CLCA1: variants seen among roughly 807,000 people sequenced by gnomAD.
The protein encoded by CLCA1 is chloride channel accessory 1.
In CLCA1, 59 loss-of-function variants were observed where a neutral mutation model predicts 85.6. The ratio of observed to expected loss-of-function variants is 0.69; its 90% CI spans 0.56 to 0.86. The LOEUF is 0.86. Ranked by LOEUF, CLCA1 falls within the 40% of genes least tolerant of loss-of-function variation. CLCA1 has a pLI of 0.00. For missense variants in CLCA1, 1,022 were observed against 1,101.4 expected (o/e 0.93, Z 1.02); for synonymous variants, 396 against 398.3 (o/e 0.99, Z 0.07).
intron 4 of CLCA1, among the ~76,000 whole-genome samples, chr1:86,480,389 A>C (rs1002367315): frequency 6.6e-6 from 1 of 152,180 alleles, no homozygotes; most frequent in Non-Finnish European, 1.5e-5. Flanking sequence ...TAGATAATTT[A>C]CAAAAGAAGA....
At chr1:86,486,796 T>C (rs749370990) in intron 7 of CLCA1, 43 bp downstream of exon 7, 4 of 1,563,100 alleles carry the variant, frequency 2.6e-6, no homozygotes, top group Non-Finnish European at 3.5e-6. Context: ...GTTTGCAATT[T>C]ATGTTGCTTA....
intron 4 of CLCA1, among the ~76,000 whole-genome samples, chr1:86,477,202 C>T (rs1171228241): frequency 1.3e-5 from 2 of 152,162 alleles, no homozygotes; most frequent in African/African-American, 4.8e-5. Context: ...GAGATCCTCC[C>T]ACTTCGACCT....
chr1:86,476,983 C>T (rs1647691055), intron 4 of CLCA1, among the ~76,000 whole-genome samples: 1 of 152,226 alleles, frequency 6.6e-6, no homozygotes, highest in African/African-American at 2.4e-5. Context: ...AATCACAGCT[C>T]ACTCCAGCCT....
chr1:86,482,083 T>A (rs566027991), intron 4 of CLCA1, 122 bp from the exon 5 acceptor site: 7 of 689,398 alleles, frequency 1.0e-5, no homozygotes, highest in Non-Finnish European at 1.7e-5. Context: ...TGATGGGATG[T>A]CCTTGTTTCT....
At chr1:86,469,283 C>A (rs1321697) in intron 1 of CLCA1, 150 bp downstream of exon 1, 147,653 of 568,622 alleles carry the variant, frequency 0.26, 20,299 homozygotes, top group East Asian at 0.35. Flanking sequence ...GAAATAATAA[C>A]AAGTTAACCA....
In CLCA1 at chr1:86,493,554, C is replaced by T; in HGVS notation, c.1635C>T (p.Asp545=). Residue 545 remains aspartate (D), a synonymous_variant, in exon 10 of 14, where the codon GAC becomes GAT. Coordinates refer to ENST00000394711, the MANE Select transcript of CLCA1 (RefSeq NM_001285.4). The part of the protein sequence containing the change: ...SGQKQGGFVV[D]KNTKMAYLQI... ...AGAAGCAAGGTGGCTTTGTAGTGGA[C>T]AAAAACACCAAAATGGCCTACCTCC... 1.9e-6 allele frequency: 3 copies of T among 1,614,086 alleles called. No homozygotes were observed. Among genetic ancestry groups the T allele is most frequent in the Non-Finnish European group, 1.7e-6 (2 of 1,179,988 alleles).
chr1:86,490,198 T>C (rs1648097245), intron 8 of CLCA1, among the ~76,000 whole-genome samples: 1 of 152,156 alleles, frequency 6.6e-6, no homozygotes, highest in Non-Finnish European at 1.5e-5. Flanking sequence ...TTTCTCTAGG[T>C]AGGGTGGCCC....
intron 8 of CLCA1, 148 bp from the exon 9 acceptor site, chr1:86,491,117 T>A (rs937180069): frequency 1.6e-5 from 8 of 514,956 alleles, no homozygotes; most frequent in African/African-American, 1.5e-4. Context: ...AAATTCTGAG[T>A]TAATGTAGGC....
In CLCA1 at chr1:86,499,650, T is replaced by G. The variant is rs1262137773; in HGVS notation, c.2354-4T>G. 2.0e-6 allele frequency: 3 copies of G among 1,525,984 alleles called. No individual in the cohort carries two copies. The highest frequency in any genetic ancestry group is 2.8e-5 in the African/African-American group (2 of 71,706). The allele number at this position is 1,525,984 out of a possible 1,614,324, so 94.5% of individuals were successfully genotyped here. On this transcript the variant is annotated splice_polypyrimidine_tract_variant and splice_region_variant and intron_variant, in intron 13 of 13. Transcript: ENST00000394711. ...AAAGTCACATTCTTCTTTTTTCTTTTTAGCTCACAAGTATATCATTCGAAT... is the reference window on the plus strand; with the variant it reads ...AAAGTCACATTCTTCTTTTTTCTTTGTAGCTCACAAGTATATCATTCGAAT...
intron 8 of CLCA1, among the ~76,000 whole-genome samples, chr1:86,490,560 TTA>T (rs1372629723): frequency 2.0e-5 from 3 of 152,194 alleles, no homozygotes; most frequent in African/African-American, 7.2e-5. Flanking sequence ...TTTGTTGGAA[TTA>T]TGTTTCAAAT....
chr1:86,492,623 G>A (rs1225021460), intron 9 of CLCA1, among the ~76,000 whole-genome samples: 1 of 152,186 alleles, frequency 6.6e-6, no homozygotes, highest in East Asian at 1.9e-4. Flanking sequence ...AACTACCTAG[G>A]AGATAATCCT....
intron 1 of CLCA1, among the ~76,000 whole-genome samples, chr1:86,473,201 G>A (rs1348182095): frequency 3.3e-5 from 5 of 152,222 alleles, no homozygotes; most frequent in Admixed American, 3.3e-4. Context: ...TCTGTCTCCA[G>A]AGTCTGCATT....
intron 4 of CLCA1, among the ~76,000 whole-genome samples, chr1:86,476,885 T>A (rs1647650599): frequency 1.3e-5 from 2 of 152,166 alleles, no homozygotes; most frequent in African/African-American, 4.8e-5. Flanking sequence ...CTAATGAGGC[T>A]CTTCGGTGCC....
At chr1:86,497,833 G>A (rs1255948273) in intron 12 of CLCA1, among the ~76,000 whole-genome samples, 7 of 152,090 alleles carry the variant, frequency 4.6e-5, no homozygotes. Context: ...TCTTGAGGCA[G>A]TCTGAGGTTT....
rs1647424135 is a variant in CLCA1 at position 86,469,035 on chromosome 1, AATTCACTC to A, written c.70_77del (p.Leu24AlafsTer7). ...TCACCTTCTAGAAGGGGCCCTGAGT[AATTCACTC>A]ATTCAGCTGAACAACAATGGCTATG... On this transcript the variant is annotated frameshift_variant, in exon 1 of 14. Coordinates refer to ENST00000394711, the MANE Select transcript of CLCA1 (RefSeq NM_001285.4). LOFTEE classifies it high-confidence loss of function. The A allele has an allele frequency of 2.5e-6, 4 of 1,613,162 alleles. No homozygotes were observed. Among genetic ancestry groups the A allele is most frequent in the African/African-American group, 1.3e-5 (1 of 74,904 alleles).
At chr1:86,498,253 T>G (rs779504447) in intron 12 of CLCA1, among the ~76,000 whole-genome samples, 1 of 151,636 alleles carries the variant, frequency 6.6e-6, no homozygotes, top group Non-Finnish European at 1.5e-5. Context: ...AAAGACAAGA[T>G]CAGGATGGGC....
intron 7 of CLCA1, among the ~76,000 whole-genome samples, chr1:86,487,501 T>C (rs549232019): frequency 6.6e-6 from 1 of 152,272 alleles, no homozygotes; most frequent in African/African-American, 2.4e-5. Context: ...GAGAAGCTCA[T>C]GTGGCTTCAG....
At position 86,486,638 on chromosome 1, in the gene CLCA1, A is replaced by G. The variant is rs762165395; in HGVS notation, c.1067A>G (p.Gln356Arg). 2 of 1,614,178 alleles carry G rather than the reference A, an allele frequency of 1.2e-6. No homozygotes were observed. Among genetic ancestry groups the G allele is most frequent in the East Asian group, 4.5e-5 (2 of 44,882 alleles). ...MVTFDSAAHV[Q>R]NELIQINSGS... ...ACATTTGACAGTGCTGCCCATGTAC[A>G]AAATGAACTCATACAGATAAACAGT... is the stretch of plus-strand genomic sequence containing the variant. Residue 356 changes from glutamine (Q) to arginine (R), a missense_variant, in exon 7 of 14, where the codon CAA (glutamine) becomes CGA (arginine). Transcript: ENST00000394711.
intron 12 of CLCA1, among the ~76,000 whole-genome samples, chr1:86,496,974 C>T (rs953020786): frequency 1.2e-4 from 19 of 152,130 alleles, no homozygotes; most frequent in Non-Finnish European, 2.4e-4. Context: ...GTGATCTGCC[C>T]GCCTCGGCCT....
Sources: gnomAD v4.1 joint callset for allele counts (sites outside exome capture counted in the v4.1 genomes callset) on GRCh38, gnomAD v4.1.1 for gene constraint, MANE v1.5 for transcripts, NCBI Gene and HGNC (gene_info 2026-07-23, HGNC 2026-07-21) for gene names.